PDZD2: variants seen among roughly 807,000 people sequenced by gnomAD.
The protein encoded by PDZD2 is PDZ domain containing 2.
In PDZD2, 90 loss-of-function variants were observed where a neutral mutation model predicts 220.7. That is an observed-to-expected ratio of 0.41 (90% confidence interval 0.34 to 0.49). PDZD2 has a LOEUF of 0.49. Among genes scored for constraint, PDZD2 ranks in the 20% least tolerant of loss-of-function variants. PDZD2 has a pLI of 0.28. For missense variants in PDZD2, 3,174 were observed against 3,608.5 expected (o/e 0.88, Z 3.08); for synonymous variants, 1,375 against 1,450.5 (o/e 0.95, Z 1.18).
intron 2 of PDZD2, chr5:31,832,521 A>G (rs13358817): frequency 0.4 from 53,709 of 135,634 alleles, 9,614 homozygotes; most frequent in African/African-American, 0.43. Flanking sequence ...ATTTTTAAAA[A>G]TAATAAAAAT....
chr5:32,019,412 G>A (rs976427147), intron 6 of PDZD2, among the ~76,000 whole-genome samples: 4 of 152,190 alleles, frequency 2.6e-5, no homozygotes, highest in African/African-American at 9.7e-5. Flanking sequence ...CCAAAGTACT[G>A]GGATTGCAGG....
At chr5:31,656,955 A>G (rs558898220) in intron 1 of PDZD2, among the ~76,000 whole-genome samples, 9 of 152,284 alleles carry the variant, frequency 5.9e-5, no homozygotes, top group South Asian at 4.1e-4. Flanking sequence ...AGGTAACCCG[A>G]TACACTGGAG....
At chr5:31,945,826 G>A (rs1289353768) in intron 2 of PDZD2, among the ~76,000 whole-genome samples, 7 of 152,044 alleles carry the variant, frequency 4.6e-5, no homozygotes, top group African/African-American at 1.7e-4. Flanking sequence ...AGCCATTATA[G>A]GGTGATCCTT....
intron 1 of PDZD2, among the ~76,000 whole-genome samples, chr5:31,689,142 C>G (rs181436902): frequency 1.3e-4 from 20 of 151,668 alleles, no homozygotes; most frequent in African/African-American, 4.8e-4. Flanking sequence ...GATCTTGACT[C>G]GCTACAACCT....
chr5:31,922,991 C>T (rs1361200935), intron 2 of PDZD2, among the ~76,000 whole-genome samples: 2 of 148,308 alleles, frequency 1.3e-5, no homozygotes, highest in African/African-American at 2.5e-5. Context: ...CTTCACTAGC[C>T]CTTCAAAAAT....
chr5:31,859,120 CT>C (rs1737436318), intron 2 of PDZD2, among the ~76,000 whole-genome samples: 1 of 152,080 alleles, frequency 6.6e-6, no homozygotes, highest in Non-Finnish European at 1.5e-5. Context: ...TTCCACACCC[CT>C]ATGATTGAAT....
intron 5 of PDZD2, among the ~76,000 whole-genome samples, chr5:32,005,063 C>T (rs1443715954): frequency 6.6e-6 from 1 of 152,232 alleles, no homozygotes; most frequent in Admixed American, 6.5e-5. Flanking sequence ...TCCTCATCCA[C>T]ATAGGAGAAA....
Position 32,092,896 on chromosome 5 carries a change from A to G in PDZD2, c.7728-11A>G. The G allele has an allele frequency of 1.5e-6, 2 of 1,320,872 alleles. No individual in the cohort carries two copies. The highest frequency in any genetic ancestry group is 2.5e-5 in the South Asian group (2 of 79,536). 81.8% of individuals were successfully genotyped at this position (1,320,872 alleles called of 1,614,324 possible). On this transcript the variant is annotated splice_polypyrimidine_tract_variant and intron_variant, in intron 20 of 24. Coordinates refer to ENST00000438447, the MANE Select transcript of PDZD2 (RefSeq NM_178140.4). ...TCTTTAATGTTCTTCAAATATATTT[A>G]TATTATTTAGTTTGGATCAACTTCT...
At chr5:31,690,255 G>A (rs1348422377) in intron 1 of PDZD2, among the ~76,000 whole-genome samples, 2 of 151,984 alleles carry the variant, frequency 1.3e-5, no homozygotes, top group Non-Finnish European at 2.9e-5. Context: ...ACTAAACTTC[G>A]GTTTGCTCCT....
intron 2 of PDZD2, among the ~76,000 whole-genome samples, chr5:31,864,272 A>C (rs1737989003): frequency 6.6e-6 from 1 of 152,156 alleles, no homozygotes; most frequent in African/African-American, 2.4e-5. Flanking sequence ...TCAGACCTAG[A>C]GGTCCTAGCA....
chr5:31,879,597 A>G (rs1219524523), intron 2 of PDZD2, among the ~76,000 whole-genome samples: 4 of 152,106 alleles, frequency 2.6e-5, no homozygotes, highest in East Asian at 1.9e-4. Context: ...GCAAGAGGCA[A>G]ACTCAGTTTG....
intron 1 of PDZD2, among the ~76,000 whole-genome samples, chr5:31,640,011 C>T (rs1301428608): frequency 1.3e-5 from 2 of 151,996 alleles, no homozygotes; most frequent in African/African-American, 2.4e-5. Context: ...AGATGGGGAA[C>T]ATAGTGATAG....
At chr5:31,696,807 C>T (rs1458387078) in intron 1 of PDZD2, among the ~76,000 whole-genome samples, 1 of 152,200 alleles carries the variant, frequency 6.6e-6, no homozygotes, top group African/African-American at 2.4e-5. Context: ...CCTACAAGCA[C>T]TGACCAATAG....
intron 1 of PDZD2, among the ~76,000 whole-genome samples, chr5:31,785,165 A>G (rs528001810): frequency 1.3e-5 from 2 of 152,112 alleles, no homozygotes; most frequent in East Asian, 1.9e-4. Context: ...TGTCTTTCCA[A>G]TTGAAAATGA....
chr5:31,712,463 TCTCTCTCTCTCTCTCTCTCC>T (rs1748178649), intron 1 of PDZD2, among the ~76,000 whole-genome samples: 1 of 126,630 alleles, frequency 7.9e-6, no homozygotes, highest in Non-Finnish European at 1.8e-5. Context: ...TCTCTCTCTC[TCTCTCTCTCTCTCTCTCTCC>T]CCCTCTCTCC....
chr5:32,066,045 A>AATCTTT (rs1021010696), intron 14 of PDZD2, among the ~76,000 whole-genome samples: 32 of 151,852 alleles, frequency 2.1e-4, no homozygotes, highest in African/African-American at 7.2e-4. Flanking sequence ...TCAATCAATC[A>AATCTTT]ATCAATCCAA....
chr5:31,825,639 C>T (rs556835163), intron 2 of PDZD2, among the ~76,000 whole-genome samples: 1 of 152,212 alleles, frequency 6.6e-6, no homozygotes, highest in African/African-American at 2.4e-5. Flanking sequence ...TTTTCCAGAC[C>T]TTTTTTCAAC....
intron 1 of PDZD2, among the ~76,000 whole-genome samples, chr5:31,648,178 T>C (rs1425284770): frequency 1.3e-5 from 2 of 152,184 alleles, no homozygotes; most frequent in African/African-American, 4.8e-5. Flanking sequence ...CTCAACTATC[T>C]CGAGGCATTG....
intron 1 of PDZD2, among the ~76,000 whole-genome samples, chr5:31,749,933 G>T (rs571650707): frequency 6.6e-6 from 1 of 152,312 alleles, no homozygotes; most frequent in East Asian, 1.9e-4. Flanking sequence ...CTGGCATCCC[G>T]CCATGATGTT....
Sources: allele counts gnomAD v4.1 joint callset (sites outside exome capture counted in the v4.1 genomes callset), GRCh38; gene constraint gnomAD v4.1.1; transcripts MANE v1.5; gene names NCBI Gene and HGNC (gene_info 2026-07-23, HGNC 2026-07-21).